The following ERAP1 variants were observed in gnomAD, a reference collection of about 807,000 sequenced individuals.
ERAP1 encodes adipocyte-derived leucine aminopeptidase.
ERAP1 carries 86 observed loss-of-function variants against 103.7 expected under a neutral mutation model. The observed-to-expected ratio is 0.83, with a 90% CI of 0.70 to 0.99. The LOEUF (loss-of-function observed/expected upper bound fraction) is 0.99. Among genes scored for constraint, ERAP1 ranks in the 50% least tolerant of loss-of-function variants. The pLI is 0.00. For missense variants in ERAP1, 1,009 were observed against 1,128.4 expected (o/e 0.89, Z 1.52); for synonymous variants, 398 against 402.4 (o/e 0.99, Z 0.13).
the ERAP1 span, chr5:96,902,398 A>G: frequency 2.1e-3 from 2,518 of 1,220,086 alleles, 41 homozygotes; most frequent in African/African-American, 0.031. Flanking sequence ...GTGGAAATTA[A>G]ACATGTGTTG....
rs1773737299 is a variant in ERAP1 at position 96,774,724 on chromosome 5, G to C, written c.*1672C>G. 1.0e-6 allele frequency: 1 copy of C among 982,558 alleles called. No individual in the cohort carries two copies. Among genetic ancestry groups the C allele is most frequent in the South Asian group, 4.7e-5 (1 of 21,232 alleles). The allele number at this position is 982,558 out of a possible 1,614,324, so 60.9% of individuals were successfully genotyped here. The stretch of plus-strand genomic sequence containing the variant: ...TTTTTAAAAGAAGGGAAATAGTTTA[G>C]TTTGGGGTGGAAATTACCAGTGATT... On this transcript the variant is annotated 3_prime_UTR_variant, in exon 19 of 19. Transcript: ENST00000443439.
the ERAP1 span, among the ~76,000 whole-genome samples, chr5:96,817,588 T>C: frequency 6.6e-6 from 1 of 152,208 alleles, no homozygotes; most frequent in East Asian, 1.9e-4. Flanking sequence ...TACATAATCA[T>C]TGGGAAGGCT....
At chr5:96,865,985 G>T in the ERAP1 span, among the ~76,000 whole-genome samples, 2 of 152,180 alleles carry the variant, frequency 1.3e-5, no homozygotes, top group Non-Finnish European at 2.9e-5. Flanking sequence ...TTCTATACAA[G>T]ATCGCTTTTT....
chr5:96,896,462 G>A, the ERAP1 span: 19 of 1,613,458 alleles, frequency 1.2e-5, no homozygotes, highest in Middle Eastern at 1.7e-4. Context: ...CGGAAACCCC[G>A]ACTCAAATAC....
the ERAP1 span, among the ~76,000 whole-genome samples, chr5:96,835,565 A>G: frequency 2.0e-5 from 3 of 152,352 alleles, no homozygotes; most frequent in Admixed American, 1.3e-4. Context: ...GCTTTTTAAA[A>G]CAATTATTGC....
the ERAP1 span, among the ~76,000 whole-genome samples, chr5:96,864,791 A>G: frequency 5.3e-4 from 80 of 152,238 alleles, no homozygotes; most frequent in African/African-American, 1.7e-3. Flanking sequence ...GAAAGATTTG[A>G]TAGGTTGAAA....
chr5:96,793,775 T>G, intron 6 of ERAP1, 28 bp downstream of exon 6: 1 of 1,592,180 alleles, frequency 6.3e-7, no homozygotes, highest in South Asian at 1.1e-5. Context: ...TAGTTTATAC[T>G]TTATTAAAAG....
chr5:96,804,521 T>C (rs1402049022), intron 1 of ERAP1: 2 of 157,396 alleles, frequency 1.3e-5, no homozygotes, highest in Non-Finnish European at 2.8e-5. Flanking sequence ...AACATCAGTG[T>C]CTTCCTCAAA....
Position 96,797,161 on chromosome 5 carries a change from A to G in ERAP1, c.798+14T>C. 6.2e-7 allele frequency: 1 copy of G among 1,614,094 alleles called. No homozygotes were observed. The highest frequency in any genetic ancestry group is 8.5e-7 in the Non-Finnish European group (1 of 1,180,012). ...GAACAAGCTGGTCACCATATGTGAC[A>G]GTCATAGGCTCACCTTGACTCCACT... On this transcript the variant is annotated intron_variant, in intron 4 of 18. Coordinates refer to ENST00000443439, the MANE Select transcript of ERAP1 (RefSeq NM_001040458.3).
At chr5:96,803,255 C>A in intron 2 of ERAP1, 148 bp downstream of exon 2, 5 of 723,436 alleles carry the variant, frequency 6.9e-6, no homozygotes, top group East Asian at 2.8e-5. Flanking sequence ...AGGGAAAAAG[C>A]CATTTTTAAC....
the ERAP1 span, among the ~76,000 whole-genome samples, chr5:96,823,612 C>T: frequency 1.3e-5 from 2 of 152,184 alleles, no homozygotes; most frequent in Non-Finnish European, 2.9e-5. Flanking sequence ...ATCCCAAGCT[C>T]CTACCCTACT....
the ERAP1 span, among the ~76,000 whole-genome samples, chr5:96,900,402 G>T: frequency 1.3e-5 from 2 of 152,150 alleles, no homozygotes; most frequent in South Asian, 4.1e-4. Flanking sequence ...TTATAGTTCG[G>T]CTTTCCCACA....
At chr5:96,904,583 C>T in the ERAP1 span, among the ~76,000 whole-genome samples, 1 of 152,118 alleles carries the variant, frequency 6.6e-6, no homozygotes, top group East Asian at 1.9e-4. Context: ...AAAACACCAT[C>T]CTACATATGA....
the ERAP1 span, among the ~76,000 whole-genome samples, chr5:96,831,828 C>A: frequency 0.024 from 3,705 of 152,302 alleles, 150 homozygotes; most frequent in African/African-American, 0.085. Context: ...ATTTCTCTAG[C>A]CCTCTGCCTT....
At chr5:96,897,730 A>G in the ERAP1 span, among the ~76,000 whole-genome samples, 2 of 152,188 alleles carry the variant, frequency 1.3e-5, no homozygotes, top group African/African-American at 4.8e-5. Context: ...AAAATTTCCA[A>G]CTGCAAAGAA....
the ERAP1 span, chr5:96,896,710 A>C: frequency 6.5e-7 from 1 of 1,532,980 alleles, no homozygotes; most frequent in Admixed American, 2.3e-5. Flanking sequence ...TCTTTTTTCA[A>C]CTCTTTTGTT....
chr5:96,788,011 T>C (rs1277994592), intron 11 of ERAP1, among the ~76,000 whole-genome samples: 1 of 152,182 alleles, frequency 6.6e-6, no homozygotes, highest in African/African-American at 2.4e-5. Flanking sequence ...TGAAATTGTT[T>C]CAAGATAAAA....
intron 13 of ERAP1, 27 bp from the exon 14 acceptor site, chr5:96,784,107 G>A: frequency 1.2e-6 from 2 of 1,613,396 alleles, no homozygotes; most frequent in East Asian, 4.5e-5. Flanking sequence ...GTGGTTAGTG[G>A]TTTAAAAGTA....
chr5:96,772,886 T>G (rs1410312329), downstream of ERAP1: 1 of 153,516 alleles, frequency 6.5e-6, no homozygotes, highest in African/African-American at 2.4e-5. Context: ...AGCTTTATAT[T>G]TGTAAGAAAT....
Sources: gnomAD v4.1 joint callset for allele counts (sites outside exome capture counted in the v4.1 genomes callset) on GRCh38, gnomAD v4.1.1 for gene constraint, MANE v1.5 for transcripts, NCBI Gene and HGNC (gene_info 2026-07-23, HGNC 2026-07-21) for gene names.